The following TTLL11 variants were observed in gnomAD, a reference collection of about 807,000 sequenced individuals.
TTLL11 encodes the protein tubulin tyrosine ligase like 11.
Under a neutral mutation model 51.7 loss-of-function variants are expected in TTLL11, and 42 were observed. The observed-to-expected ratio is 0.81, with a 90% CI of 0.64 to 1.05. The LOEUF is 1.05. TTLL11 is among the 50% of genes least tolerant of loss of function. The probability of loss-of-function intolerance (pLI) is 0.00; values close to 1 mark genes in which losing one functional copy is unlikely to be tolerated. For synonymous variants in TTLL11, 381 were observed against 383.5 expected, an observed-to-expected ratio of 0.99 and a Z score of 0.08; for missense variants, 799 against 940.4, an observed-to-expected ratio of 0.85 and a Z score of 1.97.
chr9:121,886,443 C>T (rs1352815327), intron 6 of TTLL11, among the ~76,000 whole-genome samples: 1 of 152,168 alleles, frequency 6.6e-6, no homozygotes, highest in East Asian at 1.9e-4. Flanking sequence ...CAGACATACA[C>T]AGAGGAGAAG....
intron 8 of TTLL11, among the ~76,000 whole-genome samples, chr9:121,842,249 C>CTT (rs148390026): frequency 0.027 from 4,070 of 149,694 alleles, 104 homozygotes; most frequent in African/African-American, 0.062. Context: ...GCTCCCTCTC[C>CTT]TTTTTTTTAA....
intron 4 of TTLL11, among the ~76,000 whole-genome samples, chr9:121,977,573 CA>C (rs1383247555): frequency 1.3e-5 from 2 of 152,164 alleles, no homozygotes; most frequent in African/African-American, 4.8e-5. Context: ...AGTTACTTAG[CA>C]GCTCTAAGCC....
chr9:121,869,931 G>A (rs558865589), intron 7 of TTLL11, among the ~76,000 whole-genome samples: 36 of 152,300 alleles, frequency 2.4e-4, no homozygotes, highest in Middle Eastern at 3.4e-3. Context: ...TAACTTTGCA[G>A]GCTGCAGCAA....
chr9:121,816,189 G>A lies in TTLL11; in HGVS notation c.*6398C>T, dbSNP rs980814920. ...ATGAAGGTCTGACTGCAAAGCCCTC[G>A]CTTTTCCAGAACAGTTCACGGCCTC... On this transcript the variant is annotated 3_prime_UTR_variant, in exon 9 of 9. Coordinates refer to ENST00000321582, the MANE Select transcript of TTLL11 (RefSeq NM_001139442.2). The A allele has an allele frequency of 6.6e-6, 1 of 152,182 alleles. No individual in the cohort carries two copies. The highest frequency in any genetic ancestry group is 1.5e-5 in the Non-Finnish European group (1 of 68,042). 9.4% of individuals were successfully genotyped at this position (152,182 alleles called of 1,614,324 possible).
intron 7 of TTLL11, among the ~76,000 whole-genome samples, chr9:121,868,054 T>C (rs7047365): frequency 0.49 from 75,092 of 151,910 alleles, 19,023 homozygotes; most frequent in East Asian, 0.85. Flanking sequence ...CTTCATGTTC[T>C]CTGATCTTGA....
chr9:121,957,510 T>C (rs541840660), intron 6 of TTLL11, among the ~76,000 whole-genome samples: 1 of 152,236 alleles, frequency 6.6e-6, no homozygotes, highest in African/African-American at 2.4e-5. Context: ...AATTACTGAG[T>C]TTGCAGAAAA....
intron 6 of TTLL11, among the ~76,000 whole-genome samples, chr9:121,910,879 T>C (rs1176748869): frequency 6.6e-6 from 1 of 152,170 alleles, no homozygotes; most frequent in Non-Finnish European, 1.5e-5. Flanking sequence ...GTGGTTTGCA[T>C]TTGTTTGTAT....
Position 122,042,856 on chromosome 9 carries a change from A to G in TTLL11, c.463-3488T>C, listed in dbSNP as rs1035976969. On this transcript the variant is annotated intron_variant, in intron 1 of 8. Coordinates refer to ENST00000321582, the MANE Select transcript of TTLL11 (RefSeq NM_001139442.2). ...TCAATCTGAAAAAGCTACATACTGT[A>G]TGATTCCAACTAAACTACATTCTGG... Among the ~76,000 whole-genome samples the G allele has an allele frequency of 1.7e-4, 26 of 152,252 alleles. 1 individual carries two copies. The highest frequency in any genetic ancestry group is 1.2e-3 in the Admixed American group (19 of 15,286).
At chr9:121,924,974 T>C (rs1386111743) in intron 6 of TTLL11, among the ~76,000 whole-genome samples, 2 of 152,144 alleles carry the variant, frequency 1.3e-5, no homozygotes, top group Admixed American at 1.3e-4. Flanking sequence ...AATATTGATT[T>C]TGTTTCTTTT....
intron 6 of TTLL11, among the ~76,000 whole-genome samples, chr9:121,961,760 A>G (rs1018518571): frequency 7.9e-5 from 12 of 152,202 alleles, no homozygotes; most frequent in Non-Finnish European, 8.8e-5. Context: ...TGCCTTATAA[A>G]AGGGAGAAAA....
chr9:121,858,819 T>C (rs1187222159), intron 8 of TTLL11, among the ~76,000 whole-genome samples: 1 of 152,228 alleles, frequency 6.6e-6, no homozygotes, highest in Non-Finnish European at 1.5e-5. Context: ...GTGGAATGAC[T>C]TTTCAAGCTG....
intron 3 of TTLL11, among the ~76,000 whole-genome samples, chr9:121,997,443 C>T (rs542317633): frequency 2.6e-5 from 4 of 152,270 alleles, no homozygotes; most frequent in African/African-American, 9.6e-5. Flanking sequence ...CTAAGCCCAG[C>T]TTGCTTGGCC....
chr9:121,932,996 T>C (rs1408415533), intron 6 of TTLL11, among the ~76,000 whole-genome samples: 1 of 152,212 alleles, frequency 6.6e-6, no homozygotes, highest in Non-Finnish European at 1.5e-5. Context: ...TAAAAATGTA[T>C]GATGTCTCAC....
Position 121,890,184 on chromosome 9 carries a change from C to T in TTLL11, c.1482-19436G>A, listed in dbSNP as rs1433837380. On this transcript the variant is annotated intron_variant, in intron 6 of 8. Transcript: ENST00000321582. The surrounding 1 kb of genome is among the most constrained non-coding windows in gnomAD (Gnocchi z 4.3). ...TCTGAGCCTCCAGCTTTGTTCCTGA[C>T]TCAGAGGAGGGATTCCCCATCCATC... Among the ~76,000 whole-genome samples the T allele has an allele frequency of 1.3e-5, 2 of 152,174 alleles. No homozygotes were observed. The highest frequency in any genetic ancestry group is 2.9e-5 in the Non-Finnish European group (2 of 68,038).
At chr9:122,077,783 G>A (rs1015910375) in intron 1 of TTLL11, among the ~76,000 whole-genome samples, 8 of 148,820 alleles carry the variant, frequency 5.4e-5, no homozygotes, top group Admixed American at 2.7e-4. Context: ...AAGCATACAT[G>A]GAACATTTGC....
intron 8 of TTLL11, among the ~76,000 whole-genome samples, chr9:121,839,926 T>G (rs1166286365): frequency 6.6e-6 from 1 of 152,160 alleles, no homozygotes; most frequent in Non-Finnish European, 1.5e-5. Flanking sequence ...AGGAGGCAGA[T>G]CAGTGTCAAA....
chr9:121,864,342 C>T (rs1370918755), intron 7 of TTLL11, among the ~76,000 whole-genome samples: 2 of 152,160 alleles, frequency 1.3e-5, no homozygotes, highest in African/African-American at 4.8e-5. Flanking sequence ...GGGGATGCAG[C>T]TCTTCAAATG....
intron 3 of TTLL11, among the ~76,000 whole-genome samples, chr9:122,010,498 A>G (rs1258168737): frequency 1.3e-5 from 2 of 152,178 alleles, no homozygotes; most frequent in African/African-American, 2.4e-5. Context: ...TTCACACTCC[A>G]ACAGCAGAGC....
At chr9:121,826,515 G>GTGTGTGTATATATATATGTGTGTATA in intron 8 of TTLL11, among the ~76,000 whole-genome samples, 1 of 34,450 alleles carries the variant, frequency 2.9e-5, no homozygotes, top group East Asian at 3.0e-3. Flanking sequence ...ATATATATAT[G>GTGTGTGTATATATATATGTGTGTATA]TATATATATA....
Sources: allele counts gnomAD v4.1 joint callset (sites outside exome capture counted in the v4.1 genomes callset), GRCh38; gene constraint gnomAD v4.1.1; non-coding constraint Gnocchi (gnomAD v3.1); transcripts MANE v1.5; gene names NCBI Gene and HGNC (gene_info 2026-07-23, HGNC 2026-07-21).